The following MAPK8 variants were observed in gnomAD, a reference collection of about 807,000 sequenced individuals.
MAPK8 encodes the protein mitogen-activated protein kinase 8, also known as JUN N-terminal kinase.
A neutral mutation model predicts 52.9 loss-of-function variants in MAPK8; 13 were observed. The observed-to-expected ratio is 0.25, with a 90% CI of 0.16 to 0.39. The LOEUF is 0.39. Ranked by LOEUF, MAPK8 falls within the 10% of genes least tolerant of loss-of-function variation. MAPK8 has a pLI of 1.00. For missense variants in MAPK8, 300 were observed against 519.2 expected (o/e 0.58, Z 4.10); for synonymous variants, 191 against 169.8 (o/e 1.12, Z -0.97).
intron 1 of MAPK8, among the ~76,000 whole-genome samples, chr10:48,392,859 G>A (rs766321635): frequency 9.9e-5 from 15 of 152,062 alleles, no homozygotes; most frequent in Non-Finnish European, 1.8e-4. Context: ...GCTATATCCA[G>A]TTTCCTTATA....
chr10:48,410,456 C>G (rs2042689427), intron 5 of MAPK8: 2 of 258,012 alleles, frequency 7.8e-6, no homozygotes, highest in Non-Finnish European at 1.5e-5. Context: ...CAAGATTTCT[C>G]CATGTTTACC....
At chr10:48,368,620 C>G (rs1848278905) in intron 1 of MAPK8, among the ~76,000 whole-genome samples, 1 of 152,126 alleles carries the variant, frequency 6.6e-6, no homozygotes, top group Non-Finnish European at 1.5e-5. Context: ...ATCTTAGGAA[C>G]AGAAATTAAC....
intron 11 of MAPK8, among the ~76,000 whole-genome samples, chr10:48,434,003 G>GT: frequency 6.6e-6 from 1 of 152,164 alleles, no homozygotes. Context: ...ACTTAGCCTA[G>GT]TGCATGAGTT....
intron 1 of MAPK8, among the ~76,000 whole-genome samples, chr10:48,392,768 C>CT (rs1443485771): frequency 6.6e-6 from 1 of 152,024 alleles, no homozygotes; most frequent in Non-Finnish European, 1.5e-5. Context: ...ACTATATAAT[C>CT]TAATTATCCT....
chr10:48,398,239 A>AT (rs1480108064), intron 1 of MAPK8, among the ~76,000 whole-genome samples: 3 of 152,310 alleles, frequency 2.0e-5, no homozygotes, highest in East Asian at 3.9e-4. Flanking sequence ...AAGGATGTGT[A>AT]TCTAGAATGT....
chr10:48,410,023 C>T lies in MAPK8; in HGVS notation c.312-7C>T. On this transcript the variant is annotated splice_region_variant and splice_polypyrimidine_tract_variant and intron_variant, in intron 4 of 11. Coordinates refer to ENST00000374189, the MANE Select transcript of MAPK8 (RefSeq NM_001323329.2). ...ACTTTAGCTGTTCTCTTTTTTCACT[C>T]ATAAAGTTACATAGTCATGGAGCTC... 1 of 1,602,868 alleles carries T rather than the reference C, an allele frequency of 6.2e-7. No individual in the cohort carries two copies. The highest frequency in any genetic ancestry group is 1.1e-5 in the South Asian group (1 of 87,968).
At chr10:48,431,615 A>T (rs2044273233) in intron 11 of MAPK8, among the ~76,000 whole-genome samples, 1 of 152,192 alleles carries the variant, frequency 6.6e-6, no homozygotes, top group South Asian at 2.1e-4. Context: ...GGATAAATAA[A>T]AGCTTCACTG....
At chr10:48,352,737 T>C (rs916473955) in intron 1 of MAPK8, among the ~76,000 whole-genome samples, 1 of 152,182 alleles carries the variant, frequency 6.6e-6, no homozygotes, top group Non-Finnish European at 1.5e-5. Flanking sequence ...ACAACTCTTA[T>C]TCAACAAAAT....
chr10:48,415,959 T>C (rs186107410), intron 5 of MAPK8, among the ~76,000 whole-genome samples: 12 of 152,308 alleles, frequency 7.9e-5, no homozygotes, highest in Non-Finnish European at 1.6e-4. Context: ...GGGTCTGTTA[T>C]CTATTATGAA....
At position 48,437,342 on chromosome 10, in the gene MAPK8, G is replaced by C. The variant is rs935753777; in HGVS notation, c.*2313G>C. ...TTCTTTTTATTTTGGAATCCTTTAA[G>C]CATCTTAAACATTTTTTTTTTGAAG... On this transcript the variant is annotated 3_prime_UTR_variant, in exon 12 of 12. Transcript: ENST00000374189. The C allele has an allele frequency of 6.6e-6, 1 of 151,958 alleles. No individual in the cohort carries two copies. The highest frequency in any genetic ancestry group is 1.9e-4 in the East Asian group (1 of 5,200). 9.4% of individuals were successfully genotyped at this position (151,958 alleles called of 1,614,324 possible). A position where few individuals can be genotyped will look rare whatever the true frequency, so the allele number is the denominator to read the frequency against.
chr10:48,406,132 G>A (rs7075808), intron 3 of MAPK8, among the ~76,000 whole-genome samples: 4 of 152,058 alleles, frequency 2.6e-5, no homozygotes, highest in Non-Finnish European at 5.9e-5. Context: ...TTAAAGATGG[G>A]GTAAAAATTG....
intron 1 of MAPK8, among the ~76,000 whole-genome samples, chr10:48,365,091 T>G (rs1589081628): frequency 6.6e-6 from 1 of 152,300 alleles, no homozygotes; most frequent in East Asian, 1.9e-4. Context: ...ATAACTAGAT[T>G]ACATTACAAA....
intron 1 of MAPK8, among the ~76,000 whole-genome samples, chr10:48,317,158 A>G (rs1159508610): frequency 6.6e-6 from 1 of 152,072 alleles, no homozygotes; most frequent in Non-Finnish European, 1.5e-5. Context: ...CAAGTTGAAG[A>G]TGGTTAAAAA....
At chr10:48,422,355 T>G (rs1405977829) in intron 6 of MAPK8, among the ~76,000 whole-genome samples, 1 of 152,144 alleles carries the variant, frequency 6.6e-6, no homozygotes, top group African/African-American at 2.4e-5. Flanking sequence ...TTAACAACTT[T>G]GCTTTATGTA....
intron 10 of MAPK8, chr10:48,427,399 A>G (rs1042150794): frequency 5.4e-6 from 2 of 370,012 alleles, no homozygotes; most frequent in Admixed American, 3.8e-5. Context: ...TGAATACACA[A>G]ATGTGTTTAG....
In MAPK8 at chr10:48,426,515, T is replaced by G. The variant is rs757241626; in HGVS notation, c.996+11T>G. The G allele has an allele frequency of 1.2e-6, 2 of 1,606,022 alleles. No individual in the cohort carries two copies. The highest frequency in any genetic ancestry group is 1.7e-6 in the Non-Finnish European group (2 of 1,177,014). ...TCTGAAGCAGAAGCTGTAAGTTATT[T>G]TCTTAATGTTTACAGAACATATTGC... On this transcript the variant is annotated intron_variant, in intron 9 of 11. Transcript: ENST00000374189.
intron 1 of MAPK8, among the ~76,000 whole-genome samples, chr10:48,336,928 A>G (rs756607766): frequency 1.3e-5 from 2 of 152,212 alleles, no homozygotes; most frequent in Non-Finnish European, 2.9e-5. Context: ...CAAGATTTGT[A>G]TCTCCTAGGT....
intron 2 of MAPK8, among the ~76,000 whole-genome samples, chr10:48,402,496 C>CAA (rs544334761): frequency 3.0e-4 from 46 of 152,146 alleles, no homozygotes; most frequent in Non-Finnish European, 5.3e-4. Flanking sequence ...CTAATTTCTA[C>CAA]AAAAGCCTCA....
intron 1 of MAPK8, among the ~76,000 whole-genome samples, chr10:48,356,517 A>G (rs571421301): frequency 1.1e-4 from 16 of 152,140 alleles, no homozygotes; most frequent in African/African-American, 3.1e-4. Context: ...TTAAGCCCCA[A>G]TTAGTTTGAG....
Sources: allele counts gnomAD v4.1 joint callset (sites outside exome capture counted in the v4.1 genomes callset), GRCh38; gene constraint gnomAD v4.1.1; transcripts MANE v1.5; gene names NCBI Gene and HGNC (gene_info 2026-07-23, HGNC 2026-07-21).